Variants in PARD3B observed in about 807,000 individuals in gnomAD.
PARD3B encodes par-3 family cell polarity regulator beta.
PARD3B carries 103 observed loss-of-function variants against 130.2 expected under a neutral mutation model. The observed-to-expected ratio is 0.79, with a 90% confidence interval of 0.67 to 0.93. The LOEUF (loss-of-function observed/expected upper bound fraction) is 0.93, where lower values mean the gene tolerates loss of function less well. Ranked by LOEUF, PARD3B falls within the 40% of genes least tolerant of loss-of-function variation. PARD3B has a pLI of 0.00. For missense variants in PARD3B, 1,609 were observed against 1,499.2 expected (o/e 1.07, Z -1.21); for synonymous variants, 583 against 553.2 (o/e 1.05, Z -0.76).
chr2:205,559,583 A>G (rs2106516405), intron 22 of PARD3B, among the ~76,000 whole-genome samples: 1 of 148,922 alleles, frequency 6.7e-6, no homozygotes, highest in Non-Finnish European at 1.5e-5. Flanking sequence ...TCTGAAATCA[A>G]TAGAAGTCCA....
rs1559035516 is a variant in PARD3B, at chr2:205,381,041, A to AATATATAATATATAAAGAATATATATT, written c.2631-19965_2631-19964insATATATAAAGAATATATATTATATATA. On this transcript the variant is annotated intron_variant, in intron 18 of 22. Coordinates refer to ENST00000406610, the MANE Select transcript of PARD3B (RefSeq NM_001302769.2). ...TATATATGATATATTATATATAAAG[A>AATATATAATATATAAAGAATATATATT]ATATATATTATATATAAAGAATATA... Among the ~76,000 whole-genome samples the AATATATAATATATAAAGAATATATATT allele has an allele frequency of 4.7e-4, 29 of 61,842 alleles. 4 individuals carry two copies. The highest frequency in any genetic ancestry group is 1.4e-3 in the East Asian group (4 of 2,842). 40.6% of individuals were successfully genotyped at this position (61,842 alleles called of 152,430 possible).
Position 205,047,651 on chromosome 2 carries a change from T to C in PARD3B, c.465T>C (p.Ala155=). Residue 155 remains alanine, a synonymous_variant, in exon 4 of 23, where the codon GCT becomes GCC. Coordinates refer to ENST00000406610, the MANE Select transcript of PARD3B (RefSeq NM_001302769.2). ...PGPPADTQPS[A]SHPGGQSLKL... is the part of the protein sequence containing the mutation. ...CACCTGCTGATACCCAGCCAAGCGCTTCACACCCTGGTGGCCAGAGTCTGA... is the reference window on the plus strand; with the variant it reads ...CACCTGCTGATACCCAGCCAAGCGCCTCACACCCTGGTGGCCAGAGTCTGA... 6.4e-7 allele frequency: 1 copy of C among 1,551,018 alleles called. No homozygotes were observed. Among genetic ancestry groups the C allele is most frequent in the South Asian group, 1.2e-5 (1 of 84,038 alleles).
chr2:205,242,371 G>T (rs1033327887), intron 15 of PARD3B, among the ~76,000 whole-genome samples: 3 of 152,176 alleles, frequency 2.0e-5, no homozygotes, highest in African/African-American at 7.2e-5. Context: ...CAGGGAATTT[G>T]CAAGTACTTA....
chr2:205,205,702 A>C (rs565886151), intron 15 of PARD3B, among the ~76,000 whole-genome samples: 6 of 152,340 alleles, frequency 3.9e-5, no homozygotes, highest in Admixed American at 2.0e-4. Flanking sequence ...TGTTGAGATA[A>C]TCATGTGGTT....
chr2:205,162,100 C>T (rs186562329), intron 11 of PARD3B, among the ~76,000 whole-genome samples: 1 of 152,246 alleles, frequency 6.6e-6, no homozygotes, highest in African/African-American at 2.4e-5. Flanking sequence ...TGAATTATTT[C>T]TAATAGAGGA....
At chr2:205,556,440 C>T (rs1559213449) in intron 22 of PARD3B, among the ~76,000 whole-genome samples, 1 of 152,150 alleles carries the variant, frequency 6.6e-6, no homozygotes, top group Non-Finnish European at 1.5e-5. Flanking sequence ...ATCTTTAAAG[C>T]AGGCCCATGC....
At chr2:205,033,620 G>T (rs1313814483) in intron 3 of PARD3B, among the ~76,000 whole-genome samples, 2 of 152,050 alleles carry the variant, frequency 1.3e-5, no homozygotes, top group African/African-American at 2.4e-5. Flanking sequence ...GTGCCCATCT[G>T]TCTACTATGA....
intron 1 of PARD3B, among the ~76,000 whole-genome samples, chr2:204,589,080 A>G (rs1018703285): frequency 4.6e-5 from 7 of 152,172 alleles, no homozygotes; most frequent in Non-Finnish European, 7.3e-5. Flanking sequence ...AGGGACACCC[A>G]CGGAAGGTAG....
intron 21 of PARD3B, among the ~76,000 whole-genome samples, chr2:205,500,890 T>C (rs933452470): frequency 1.3e-5 from 2 of 152,194 alleles, no homozygotes. Context: ...ATTTCTGCCT[T>C]CTACTGCGCC....
intron 16 of PARD3B, among the ~76,000 whole-genome samples, chr2:205,254,232 GCC>G (rs1365930207): frequency 3.3e-5 from 5 of 151,516 alleles, no homozygotes; most frequent in Admixed American, 6.6e-5. Context: ...TGGCTGTCTA[GCC>G]ATTCTAGCAA....
chr2:205,440,568 T>G lies in PARD3B; in HGVS notation c.2940T>G (p.Phe980Leu). ...RSPSPPRAGPFGYPRDGHPLS... is the reference protein window; with the variant it reads ...RSPSPPRAGPLGYPRDGHPLS... ...CATCTCCCCCTCGAGCTGGACCATT[T>G]GGTTACCCTCGGGATGGCCATCCAC... is the stretch of plus-strand genomic sequence containing the variant. The change falls in exon 20 of 23, where the codon TTT becomes TTG. Residue 980 changes from phenylalanine (F) to leucine (L), a missense_variant. Phe to Leu is a conservative substitution (Grantham distance 22). Coordinates refer to ENST00000406610, the MANE Select transcript of PARD3B (RefSeq NM_001302769.2). This position sits in a 1 kb window ranked among gnomAD's most constrained non-coding sequence, Gnocchi z 4.2. 6.2e-7 allele frequency: 1 copy of G among 1,614,118 alleles called. No homozygotes were observed. Among genetic ancestry groups the G allele is most frequent in the Non-Finnish European group, 8.5e-7 (1 of 1,179,962 alleles).
At chr2:205,583,411 G>A (rs77314338) in intron 22 of PARD3B, among the ~76,000 whole-genome samples, 7 of 37,656 alleles carry the variant, frequency 1.9e-4, no homozygotes, top group South Asian at 2.9e-3. Context: ...GCGCGCGCAC[G>A]CGCGTGTGAG....
chr2:205,526,017 C>T (rs1246693533), intron 21 of PARD3B, among the ~76,000 whole-genome samples: 1 of 152,250 alleles, frequency 6.6e-6, no homozygotes, highest in Non-Finnish European at 1.5e-5. Flanking sequence ...CAGACTTCCA[C>T]TGAGGCTGCT....
At chr2:204,922,437 G>C (rs1185085633) in intron 2 of PARD3B, among the ~76,000 whole-genome samples, 1 of 152,056 alleles carries the variant, frequency 6.6e-6, no homozygotes, top group African/African-American at 2.4e-5. Context: ...TAGTACTATT[G>C]AATGAATAAA....
chr2:205,338,337 T>G lies in PARD3B; in HGVS notation c.2630+36636T>G, dbSNP rs146357241. On this transcript the variant is annotated intron_variant, in intron 18 of 22. Coordinates refer to ENST00000406610, the MANE Select transcript of PARD3B (RefSeq NM_001302769.2). The stretch of plus-strand genomic sequence containing the variant: ...TGGATGTTTTAACTCATTTTTCGTT[T>G]GTTTGTTTCCACTTTGTCATCTGTT... Among the ~76,000 whole-genome samples, 6 of 152,268 alleles carry G rather than the reference T, an allele frequency of 3.9e-5. No homozygotes were observed. The East Asian group carries it at 1.2e-3, about 29-fold the overall frequency.
At chr2:204,835,114 T>C (rs2043979477) in intron 2 of PARD3B, among the ~76,000 whole-genome samples, 1 of 152,184 alleles carries the variant, frequency 6.6e-6, no homozygotes, top group Admixed American at 6.5e-5. Flanking sequence ...CTGGATGCAG[T>C]GCTGAAATGA....
chr2:204,824,140 C>T lies in PARD3B; in HGVS notation c.222+137858C>T, dbSNP rs539639983. Among the ~76,000 whole-genome samples, 6 of 152,274 alleles carry T rather than the reference C, an allele frequency of 3.9e-5. No homozygotes were observed. In the East Asian group the frequency reaches 7.7e-4, roughly 20 times the overall value. On this transcript the variant is annotated intron_variant, in intron 2 of 22. Transcript: ENST00000406610. ...AGGCATCAAGTTGTCAGATATCTTT[C>T]CTTTCCCCTCCAAACCAGCTGTCTG...
At chr2:204,701,920 A>G (rs759871957) in intron 2 of PARD3B, among the ~76,000 whole-genome samples, 15 of 151,822 alleles carry the variant, frequency 9.9e-5, no homozygotes, top group South Asian at 2.1e-4. Context: ...GAAGTCCCCA[A>G]TGTCTATTGT....
chr2:205,102,114 A>G (rs1553614044), intron 4 of PARD3B, among the ~76,000 whole-genome samples: 1 of 152,204 alleles, frequency 6.6e-6, no homozygotes, highest in Non-Finnish European at 1.5e-5. Flanking sequence ...TGGGGCTGCA[A>G]ACTTACAAGC....
Sources: allele counts gnomAD v4.1 joint callset (sites outside exome capture counted in the v4.1 genomes callset), GRCh38; gene constraint gnomAD v4.1.1; non-coding constraint Gnocchi (gnomAD v3.1); transcripts MANE v1.5; gene names NCBI Gene and HGNC (gene_info 2026-07-23, HGNC 2026-07-21).